Variants in USP34 observed in about 807,000 individuals in gnomAD.
USP34 encodes the protein ubiquitin carboxyl-terminal hydrolase 34.
A neutral mutation model predicts 460.3 loss-of-function variants in USP34; 70 were observed. The ratio of observed to expected loss-of-function variants is 0.15; its 90% CI spans 0.13 to 0.19. The LOEUF is 0.19. USP34 is among the 10% of genes least tolerant of loss of function. The pLI, the probability that USP34 is intolerant of heterozygous loss-of-function variation, is 1.00. For missense variants in USP34, 3,985 were observed against 4,236.2 expected (o/e 0.94, Z 1.65); for synonymous variants, 1,647 against 1,405.3 (o/e 1.17, Z -3.85).
At chr2:61,434,463 C>A (rs569240515) in intron 1 of USP34, among the ~76,000 whole-genome samples, 11 of 152,290 alleles carry the variant, frequency 7.2e-5, no homozygotes, top group African/African-American at 2.4e-4. Context: ...TGCTCCTGGC[C>A]AGAGTAACAG....
rs1162057819 is a variant in USP34 at position 61,317,636 on chromosome 2, G to T, written c.3282+18C>A. ...TTGAGGAATAAAGTTGCCTAATAAAGTAAGTCTAAATCCATACCTCAGAAT... is the reference window on the plus strand; with the variant it reads ...TTGAGGAATAAAGTTGCCTAATAAATTAAGTCTAAATCCATACCTCAGAAT... On this transcript the variant is annotated intron_variant, in intron 23 of 79. Coordinates refer to ENST00000398571, the MANE Select transcript of USP34 (RefSeq NM_014709.4). 1 of 1,581,368 alleles carries T rather than the reference G, an allele frequency of 6.3e-7. No homozygotes were observed. Among genetic ancestry groups the T allele is most frequent in the South Asian group, 1.2e-5 (1 of 86,768 alleles).
rs1372638368 is a variant in USP34, at chr2:61,228,902, A to C, written c.7293T>G (p.Gly2431=). The change falls in exon 60 of 80, where the codon GGT becomes GGG. Residue 2431 remains glycine (G), a synonymous_variant. Coordinates refer to ENST00000398571, the MANE Select transcript of USP34 (RefSeq NM_014709.4). ...TAAGATGTTTACTGTGAGGTTTTACACCATGTTCCATAATTAATAACAGGG... is the reference window on the plus strand; with the variant it reads ...TAAGATGTTTACTGTGAGGTTTTACCCCATGTTCCATAATTAATAACAGGG... ...VRTLLLIMEH[G]VKPHSKHLTE... The C allele has an allele frequency of 3.7e-6, 6 of 1,609,922 alleles. No individual in the cohort carries two copies. Among genetic ancestry groups the C allele is most frequent in the Non-Finnish European group, 5.1e-6 (6 of 1,178,314 alleles).
At chr2:61,205,939 G>T in intron 72 of USP34, 78 bp downstream of exon 72, 1 of 1,113,218 alleles carries the variant, frequency 9.0e-7, no homozygotes, top group Non-Finnish European at 1.4e-6. Flanking sequence ...AAACACTACA[G>T]GCTTAACATC....
intron 1 of USP34, among the ~76,000 whole-genome samples, chr2:61,435,391 AAC>A (rs1306236411): frequency 6.6e-6 from 1 of 150,546 alleles, no homozygotes. Context: ...CCACCAGACT[AAC>A]AGATTTCTCA....
At chr2:61,189,997 A>G (rs1287462193) in intron 78 of USP34, 1 of 311,870 alleles carries the variant, frequency 3.2e-6, no homozygotes, top group Admixed American at 4.8e-5. Context: ...ATTGTTTCCA[A>G]AAATATACCC....
chr2:61,245,695 G>A (rs1688400387), intron 50 of USP34, among the ~76,000 whole-genome samples: 1 of 152,016 alleles, frequency 6.6e-6, no homozygotes, highest in South Asian at 2.1e-4. Context: ...AAGGCACCAT[G>A]GACCTGATGG....
chr2:61,197,032 C>T (rs747876756), intron 75 of USP34, among the ~76,000 whole-genome samples: 21 of 152,116 alleles, frequency 1.4e-4, no homozygotes, highest in African/African-American at 4.6e-4. Flanking sequence ...CCCAGGACTT[C>T]GGGAGGCCAA....
Position 61,265,556 on chromosome 2 carries a change from G to C in USP34, c.5619C>G (p.Ser1873=). Residue 1873 remains serine, a splice_region_variant and synonymous_variant, in exon 43 of 80, where the codon TCC becomes TCG. Coordinates refer to ENST00000398571, the MANE Select transcript of USP34 (RefSeq NM_014709.4). ...AGTAATCCCATTTATAAGGTGCATG[G>C]GCTGCTGAAGAAAGAGGGAGGAAAA... ...HNWVMAQHMQ[S]HAPYKWDYWP... is the part of the protein sequence containing the mutation. 6.3e-7 allele frequency: 1 copy of C among 1,587,232 alleles called. No homozygotes were observed. The highest frequency in any genetic ancestry group is 1.2e-5 in the South Asian group (1 of 86,588).
chr2:61,347,768 TAATG>T, intron 15 of USP34, 98 bp downstream of exon 15: 1 of 1,512,290 alleles, frequency 6.6e-7, no homozygotes, highest in Non-Finnish European at 8.8e-7. Context: ...ACTATACTAC[TAATG>T]AATAGCACTA....
At chr2:61,276,683 A>C (rs1689382080) in intron 41 of USP34, among the ~76,000 whole-genome samples, 1 of 152,206 alleles carries the variant, frequency 6.6e-6, no homozygotes, top group South Asian at 2.1e-4. Context: ...ATACTAGTTT[A>C]TATATAAGAG....
intron 2 of USP34, among the ~76,000 whole-genome samples, chr2:61,420,249 G>A (rs1210110571): frequency 3.3e-5 from 5 of 152,104 alleles, no homozygotes; most frequent in African/African-American, 1.2e-4. Flanking sequence ...TCACATTGAG[G>A]AACAGGAATC....
intron 76 of USP34, among the ~76,000 whole-genome samples, chr2:61,192,689 CTA>C: frequency 6.6e-6 from 1 of 152,286 alleles, no homozygotes; most frequent in East Asian, 1.9e-4. Context: ...AAAATATCCT[CTA>C]TGATAGAAAT....
intron 43 of USP34, among the ~76,000 whole-genome samples, chr2:61,262,871 C>T (rs1322592355): frequency 6.6e-6 from 1 of 152,154 alleles, no homozygotes; most frequent in Non-Finnish European, 1.5e-5. Context: ...TTATTAACAG[C>T]TATTCTGACT....
intron 8 of USP34, 63 bp from the exon 9 acceptor site, chr2:61,370,642 G>A (rs1420799182): frequency 6.7e-7 from 1 of 1,484,520 alleles, no homozygotes; most frequent in African/African-American, 1.4e-5. Context: ...ATGTCTAAAA[G>A]GTAGAGTCAA....
At chr2:61,266,749 ACCT>A (rs1572885411) in intron 41 of USP34, among the ~76,000 whole-genome samples, 1 of 152,050 alleles carries the variant, frequency 6.6e-6, no homozygotes, top group East Asian at 1.9e-4. Context: ...GCAGTATAAA[ACCT>A]CCTGGAGTAC....
At chr2:61,420,880 T>C (rs1296250490) in intron 1 of USP34, 47 bp from the exon 2 acceptor site, 1 of 1,393,370 alleles carries the variant, frequency 7.2e-7, no homozygotes, top group East Asian at 2.3e-5. Context: ...GCTAAACCAG[T>C]ATTAAAGCCA....
intron 20 of USP34, among the ~76,000 whole-genome samples, chr2:61,330,584 C>G (rs1263921709): frequency 6.6e-6 from 1 of 152,170 alleles, no homozygotes; most frequent in African/African-American, 2.4e-5. Flanking sequence ...CAGTGTGACT[C>G]CTCCTCTTCT....
Position 61,401,881 on chromosome 2 carries a change from T to C in USP34, c.552+3827A>G, listed in dbSNP as rs531909646. 2.0e-5 allele frequency among the ~76,000 whole-genome samples: 3 copies of C among 151,338 alleles called. No homozygotes were observed. In the South Asian group the frequency reaches 6.3e-4, roughly 32 times the overall value. On this transcript the variant is annotated intron_variant, in intron 3 of 79. Transcript: ENST00000398571. The stretch of plus-strand genomic sequence containing the variant: ...CCCATTTTTATAATCTTTTTCCCTA[T>C]ACTTAGAAAAAAACTTACAACACTA...
intron 41 of USP34, 94 bp downstream of exon 41, chr2:61,278,071 T>C: frequency 6.8e-7 from 1 of 1,461,578 alleles, no homozygotes; most frequent in South Asian, 1.3e-5. Flanking sequence ...CGGGTATGCC[T>C]TTATGAGCAG....
Sources: allele counts gnomAD v4.1 joint callset (sites outside exome capture counted in the v4.1 genomes callset), GRCh38; gene constraint gnomAD v4.1.1; transcripts MANE v1.5; gene names NCBI Gene and HGNC (gene_info 2026-07-23, HGNC 2026-07-21).